The following DDX46 variants were observed in gnomAD, a reference collection of about 807,000 sequenced individuals.
The protein encoded by DDX46 is DEAD-box helicase 46.
DDX46 carries 30 observed loss-of-function variants against 134.9 expected under a neutral mutation model. That is an observed-to-expected ratio of 0.22 (90% CI 0.17 to 0.30). DDX46 has a LOEUF of 0.30. Among genes scored for constraint, DDX46 ranks in the 10% least tolerant of loss-of-function variants. The probability of loss-of-function intolerance (pLI) is 1.00; values close to 1 mark genes in which losing one functional copy is unlikely to be tolerated. For missense variants in DDX46, 622 were observed against 1,248.7 expected (o/e 0.50, Z 7.56); for synonymous variants, 415 against 404.1 (o/e 1.03, Z -0.32).
intron 7 of DDX46, 132 bp from the exon 8 acceptor site, chr5:134,781,789 C>T: frequency 1.2e-6 from 1 of 840,144 alleles, no homozygotes; most frequent in Non-Finnish European, 1.8e-6. Flanking sequence ...GTGGGTCAAA[C>T]AGTGTGTCGT....
At chr5:134,783,199 TTA>T in intron 9 of DDX46, 134 bp downstream of exon 9, 1 of 1,229,888 alleles carries the variant, frequency 8.1e-7, no homozygotes, top group Middle Eastern at 2.0e-4. Context: ...TTGAGATAAT[TTA>T]TATATCAAAA....
intron 6 of DDX46, among the ~76,000 whole-genome samples, chr5:134,780,298 TCA>T (rs1491151100): frequency 3.3e-5 from 5 of 150,500 alleles, no homozygotes; most frequent in Non-Finnish European, 7.4e-5. Context: ...GTGTGCTGAC[TCA>T]CGCCTGTCAT....
intron 3 of DDX46, 72 bp downstream of exon 3, chr5:134,767,132 T>TG: frequency 6.7e-7 from 1 of 1,497,602 alleles, no homozygotes; most frequent in Non-Finnish European, 8.9e-7. Flanking sequence ...CTTTTTTTTT[T>TG]TTCCCTGTAA....
intron 7 of DDX46, 80 bp downstream of exon 7, chr5:134,781,326 T>C (rs1754146645): frequency 9.2e-7 from 1 of 1,086,072 alleles, no homozygotes; most frequent in South Asian, 1.5e-5. Flanking sequence ...AGATGTGCGT[T>C]TCATTTGTGT....
chr5:134,824,608 T>TTATTCA (rs1755540663), intron 21 of DDX46, among the ~76,000 whole-genome samples: 1 of 152,086 alleles, frequency 6.6e-6, no homozygotes, highest in African/African-American at 2.4e-5. Context: ...GAAAAAGAAA[T>TTATTCA]ATAATGATAT....
At chr5:134,777,969 CT>C (rs1206853683) in intron 6 of DDX46, 7 of 350,664 alleles carry the variant, frequency 2.0e-5, no homozygotes, top group East Asian at 5.3e-5. Flanking sequence ...ACATATTAAC[CT>C]TTTTAATAAG....
At chr5:134,784,656 T>G in intron 10 of DDX46, 115 bp downstream of exon 10, 1 of 1,222,342 alleles carries the variant, frequency 8.2e-7, no homozygotes, top group Non-Finnish European at 1.1e-6. Flanking sequence ...TATGTACATT[T>G]TCTTTATCAA....
chr5:134,804,613 T>G (rs1316487203), intron 15 of DDX46, among the ~76,000 whole-genome samples: 1 of 152,152 alleles, frequency 6.6e-6, no homozygotes, highest in Admixed American at 6.5e-5. Context: ...TAATTTTTTG[T>G]AGAGAGGGGG....
In DDX46 at chr5:134,758,786, C is replaced by A; in HGVS notation, c.-153C>A. On this transcript the variant is annotated 5_prime_UTR_variant, in exon 1 of 23. Coordinates refer to ENST00000452510, the MANE Select transcript of DDX46 (RefSeq NM_001300860.2). The stretch of plus-strand genomic sequence containing the variant: ...TGCCGGCGCCAGCACGTCCTGTTTT[C>A]GTTGGCCGCGCTGGGATGGCCGCCA... 8.2e-7 allele frequency: 1 copy of A among 1,213,670 alleles called. No homozygotes were observed. Among genetic ancestry groups the A allele is most frequent in the Non-Finnish European group, 1.2e-6 (1 of 850,052 alleles). The allele number at this position is 1,213,670 out of a possible 1,614,324, so 75.2% of individuals were successfully genotyped here.
chr5:134,785,345 AT>A, intron 10 of DDX46, 119 bp from the exon 11 acceptor site: 1 of 1,275,206 alleles, frequency 7.8e-7, no homozygotes, highest in Non-Finnish European at 1.0e-6. Context: ...TCAGGGATGC[AT>A]AACAAAACAA....
At chr5:134,765,604 A>G (rs916617887) in intron 2 of DDX46, among the ~76,000 whole-genome samples, 1 of 152,014 alleles carries the variant, frequency 6.6e-6, no homozygotes, top group Non-Finnish European at 1.5e-5. Flanking sequence ...CCAGCCAATT[A>G]AAAAAAGCTT....
chr5:134,771,693 C>T (rs1276393848), intron 4 of DDX46, among the ~76,000 whole-genome samples: 2 of 151,276 alleles, frequency 1.3e-5, no homozygotes, highest in Non-Finnish European at 2.9e-5. Flanking sequence ...CAGAGCAAGA[C>T]TCTGTCTCAA....
intron 4 of DDX46, among the ~76,000 whole-genome samples, chr5:134,772,999 C>T (rs1247683705): frequency 6.6e-6 from 1 of 152,126 alleles, no homozygotes; most frequent in East Asian, 1.9e-4. Flanking sequence ...AGGGTTTCAC[C>T]ATGTTGGCCA....
intron 21 of DDX46, among the ~76,000 whole-genome samples, chr5:134,821,484 A>G (rs1755448556): frequency 6.7e-6 from 1 of 149,914 alleles, no homozygotes; most frequent in South Asian, 2.1e-4. Context: ...ACCGTGTTAA[A>G]GCAATATTTT....
intron 2 of DDX46, among the ~76,000 whole-genome samples, chr5:134,765,105 G>T (rs1264258086): frequency 4.3e-5 from 6 of 140,728 alleles, no homozygotes; most frequent in South Asian, 2.2e-4. Flanking sequence ...GTCTCACTCT[G>T]TCACCCAGGC....
chr5:134,777,611 A>G lies in DDX46; in HGVS notation c.651A>G (p.Gly217=), dbSNP rs762815237. The G allele has an allele frequency of 1.9e-5, 30 of 1,613,544 alleles. No homozygotes were observed. The highest frequency in any genetic ancestry group is 6.7e-5 in the Admixed American group (4 of 59,734). ...EDDPAEAEKE[G]NEMEGEELDP... ...ATCCTGCAGAAGCTGAAAAGGAGGGAAATGAAATGGAGGGTGAGGAGTTAG... is the reference window on the plus strand; with the variant it reads ...ATCCTGCAGAAGCTGAAAAGGAGGGGAATGAAATGGAGGGTGAGGAGTTAG... The change falls in exon 6 of 23, where the codon GGA becomes GGG. Residue 217 remains glycine, a synonymous_variant. Transcript: ENST00000452510.
Position 134,816,413 on chromosome 5 carries a change from T to G in DDX46, c.2437-17T>G, listed in dbSNP as rs766760996. On this transcript the variant is annotated splice_polypyrimidine_tract_variant and intron_variant, in intron 18 of 22. Coordinates refer to ENST00000452510, the MANE Select transcript of DDX46 (RefSeq NM_001300860.2). ...TAATTCAGTTTTTTACTAGTCCTTT[T>G]TTTCCTTTTGATCTAGATTGATGAG... 6.4e-7 allele frequency: 1 copy of G among 1,563,006 alleles called. No homozygotes were observed. The highest frequency in any genetic ancestry group is 2.3e-5 in the East Asian group (1 of 44,002).
At chr5:134,809,666 C>T (rs1244519663) in intron 16 of DDX46, among the ~76,000 whole-genome samples, 1 of 151,956 alleles carries the variant, frequency 6.6e-6, no homozygotes, top group East Asian at 2.0e-4. Flanking sequence ...TGAGCCACTG[C>T]ACCCGGCCAA....
At chr5:134,810,688 C>T (rs1472810814) in intron 16 of DDX46, among the ~76,000 whole-genome samples, 2 of 150,724 alleles carry the variant, frequency 1.3e-5, no homozygotes, top group African/African-American at 4.9e-5. Flanking sequence ...TAGAAATTTT[C>T]TAGTTTGCTT....
Sources: gnomAD v4.1 joint callset for allele counts (sites outside exome capture counted in the v4.1 genomes callset) on GRCh38, gnomAD v4.1.1 for gene constraint, MANE v1.5 for transcripts, NCBI Gene and HGNC (gene_info 2026-07-23, HGNC 2026-07-21) for gene names.